ABLIM2: variants seen among roughly 807,000 people sequenced by gnomAD.
ABLIM2 encodes actin binding LIM protein family member 2.
ABLIM2 carries 53 observed loss-of-function variants against 97.7 expected under a neutral mutation model. That is an observed-to-expected ratio of 0.54 (90% CI 0.44 to 0.68). The LOEUF is 0.68. ABLIM2 is among the 30% of genes least tolerant of loss of function. ABLIM2 has a pLI of 0.00. For synonymous variants in ABLIM2, 361 were observed against 345.8 expected (o/e 1.04, Z -0.49); for missense variants, 835 against 867.2 (o/e 0.96, Z 0.47).
intron 9 of ABLIM2, 52 bp downstream of exon 9, chr4:8,045,112 C>A (rs1418672179): frequency 4.5e-6 from 7 of 1,551,558 alleles, no homozygotes; most frequent in Non-Finnish European, 5.3e-6. Flanking sequence ...ACCGGGCCCC[C>A]CTTCTCTCTC....
chr4:8,029,585 C>CAAAAAAAAA, intron 11 of ABLIM2, 71 bp downstream of exon 11: 1 of 909,834 alleles, frequency 1.1e-6, no homozygotes, highest in Non-Finnish European at 1.4e-6. Flanking sequence ...AAAAAAAAAA[C>CAAAAAAAAA]TAAAAAAAAA....
chr4:8,050,117 T>C (rs1490279851), intron 8 of ABLIM2, among the ~76,000 whole-genome samples: 1 of 152,208 alleles, frequency 6.6e-6, no homozygotes, highest in Non-Finnish European at 1.5e-5. Flanking sequence ...CAATCTTACA[T>C]GTATTCTGAT....
Position 8,069,397 on chromosome 4 carries a change from G to C in ABLIM2, c.675+8231C>G, listed in dbSNP as rs1318336698. On this transcript the variant is annotated intron_variant, in intron 6 of 20. Transcript: ENST00000447017. This position sits in a 1 kb window ranked among gnomAD's most constrained non-coding sequence, Gnocchi z 4.2. ...CACGCACTGCAGCGTGTCCAGGCTCGGAGGGTCCCACCACGAAGACAGTGA... is the reference window on the plus strand; with the variant it reads ...CACGCACTGCAGCGTGTCCAGGCTCCGAGGGTCCCACCACGAAGACAGTGA... 2.6e-5 allele frequency among the ~76,000 whole-genome samples: 4 copies of C among 152,240 alleles called. No individual in the cohort carries two copies. The highest frequency in any genetic ancestry group is 2.6e-4 in the Admixed American group (4 of 15,290).
chr4:8,097,024 A>C (rs1831989167), intron 3 of ABLIM2, 75 bp downstream of exon 3: 1 of 1,486,050 alleles, frequency 6.7e-7, no homozygotes, highest in African/African-American at 1.4e-5. Flanking sequence ...CAGGAGGAAG[A>C]AGGGAAGGGA....
In ABLIM2 at chr4:8,147,441, G is replaced by A. The variant is rs2152953977; in HGVS notation, c.10+11239C>T. Among the ~76,000 whole-genome samples, 1 of 152,286 alleles carries A rather than the reference G, an allele frequency of 6.6e-6. No individual in the cohort carries two copies. ...AAACCTGTGACATATATGGTTAAAA[G>A]GGGAGGGGTCTTTGCAGATGTGATT... On this transcript the variant is annotated intron_variant, in intron 1 of 20. Transcript: ENST00000447017. This position sits in a 1 kb window ranked among gnomAD's most constrained non-coding sequence, Gnocchi z 5.3.
At chr4:7,967,750 T>C (rs989545625) in intron 20 of ABLIM2, among the ~76,000 whole-genome samples, 3 of 152,226 alleles carry the variant, frequency 2.0e-5, no homozygotes, top group Middle Eastern at 3.4e-3. Flanking sequence ...TGGGATGCCA[T>C]AGGAGTGAGT....
At chr4:8,018,821 C>G (rs1193545347) in intron 14 of ABLIM2, among the ~76,000 whole-genome samples, 2 of 152,218 alleles carry the variant, frequency 1.3e-5, no homozygotes, top group East Asian at 3.9e-4. Context: ...CCATCATGTG[C>G]ACAGCACTTT....
intron 20 of ABLIM2, among the ~76,000 whole-genome samples, chr4:7,977,566 G>C (rs190123058): frequency 2.6e-4 from 40 of 152,230 alleles, no homozygotes; most frequent in Admixed American, 2.4e-3. Context: ...GAAGTGGGGG[G>C]ATCACCAGAG....
rs1315063846 is a variant in ABLIM2, at chr4:8,008,106, G to A, written c.1571C>T (p.Thr524Ile). The A allele has an allele frequency of 1.2e-6, 2 of 1,613,932 alleles. No homozygotes were observed. Among genetic ancestry groups the A allele is most frequent in the African/African-American group, 1.3e-5 (1 of 74,942 alleles). The change falls in exon 16 of 21, where the codon ACC (threonine) becomes ATC (isoleucine). Residue 524 changes from threonine (T) to isoleucine (I), a missense_variant. Coordinates refer to ENST00000447017, the MANE Select transcript of ABLIM2 (RefSeq NM_001130083.2). ...CATCCTTTGGAGAGGGTCTCTGTCG[G>A]TCCCGCTGCTGTGGGACAAGGACTG... ...DTQSLSHSSG[T>I]DRDPLQRMAG...
intron 1 of ABLIM2, among the ~76,000 whole-genome samples, chr4:8,133,097 C>G (rs974708946): frequency 6.6e-6 from 1 of 152,174 alleles, no homozygotes; most frequent in Non-Finnish European, 1.5e-5. Context: ...GCAATCCTCC[C>G]GAGCCTCAGC....
chr4:8,135,502 G>C (rs1218800896), intron 1 of ABLIM2, among the ~76,000 whole-genome samples: 2 of 152,170 alleles, frequency 1.3e-5, no homozygotes, highest in Non-Finnish European at 2.9e-5. Context: ...TTTCAAAAGA[G>C]ACCTCAGAGA....
intron 16 of ABLIM2, among the ~76,000 whole-genome samples, chr4:8,000,720 G>A (rs1464449328): frequency 6.6e-6 from 1 of 152,142 alleles, no homozygotes; most frequent in Non-Finnish European, 1.5e-5. Flanking sequence ...GAGGCTTTGG[G>A]AAGATGCGGC....
intron 1 of ABLIM2, among the ~76,000 whole-genome samples, chr4:8,142,407 G>A (rs1255069375): frequency 1.3e-5 from 2 of 152,198 alleles, no homozygotes; most frequent in African/African-American, 2.4e-5. Flanking sequence ...ACTGCATTAC[G>A]ATGACTCTCC....
Position 8,153,185 on chromosome 4 carries a change from G to A in ABLIM2, c.10+5495C>T, listed in dbSNP as rs114215877. Reference sequence around the variant, plus strand: ...TTCCTCTCGAGCTCAGAGGTCTCCCGTGACCCAGATGATGCTCTGGAAGCC... The same window carrying A: ...TTCCTCTCGAGCTCAGAGGTCTCCCATGACCCAGATGATGCTCTGGAAGCC... On this transcript the variant is annotated intron_variant, in intron 1 of 20. Coordinates refer to ENST00000447017, the MANE Select transcript of ABLIM2 (RefSeq NM_001130083.2). 1.9e-3 allele frequency among the ~76,000 whole-genome samples: 296 copies of A among 152,246 alleles called. 1 individual carries two copies. The highest frequency in any genetic ancestry group is 6.5e-3 in the African/African-American group (271 of 41,540).
intron 1 of ABLIM2, among the ~76,000 whole-genome samples, chr4:8,157,261 G>T (rs1234419053): frequency 6.6e-6 from 1 of 151,822 alleles, no homozygotes; most frequent in Non-Finnish European, 1.5e-5. Context: ...CCTGATGACA[G>T]GGGGGACCAC....
Position 8,005,556 on chromosome 4 carries a change from GA to G in ABLIM2, c.1618+2502del, listed in dbSNP as rs1356545083. On this transcript the variant is annotated intron_variant, in intron 16 of 20. Coordinates refer to ENST00000447017, the MANE Select transcript of ABLIM2 (RefSeq NM_001130083.2). The surrounding 1 kb of genome is among the most constrained non-coding windows in gnomAD (Gnocchi z 4.9). ...GGTGACAATCAAAAGAACCCCGAGA[GA>G]AAAAAAAGGGTGGCTCCCTCTCAAT... is the stretch of plus-strand genomic sequence containing the variant. Among the ~76,000 whole-genome samples the G allele has an allele frequency of 1.3e-5, 2 of 151,618 alleles. No homozygotes were observed. The highest frequency in any genetic ancestry group is 1.9e-4 in the East Asian group (1 of 5,166).
chr4:8,013,012 A>G (rs1017777212), intron 14 of ABLIM2, among the ~76,000 whole-genome samples: 1 of 152,188 alleles, frequency 6.6e-6, no homozygotes, highest in Non-Finnish European at 1.5e-5. Flanking sequence ...GAAAAAACTC[A>G]GACATGACCC....
Position 8,158,782 on chromosome 4 carries a change from C to CCGCCGGCTCCG in ABLIM2, c.-104_-94dup. Reference sequence around the variant, plus strand: ...CGCGCCCGCGCTATCCTCCGCCCGCCCGCCGGCTCCGCGCCCGCTCCTTGC... The same window carrying CCGCCGGCTCCG: ...CGCGCCCGCGCTATCCTCCGCCCGCCCGCCGGCTCCGCGCCGGCTCCGCGCCCGCTCCTTGC... On this transcript the variant is annotated 5_prime_UTR_variant, in exon 1 of 21. Coordinates refer to ENST00000447017, the MANE Select transcript of ABLIM2 (RefSeq NM_001130083.2). 1 of 1,148,588 alleles carries CCGCCGGCTCCG rather than the reference C, an allele frequency of 8.7e-7. No homozygotes were observed. The highest frequency in any genetic ancestry group is 1.1e-6 in the Non-Finnish European group (1 of 911,686). The allele number at this position is 1,148,588 out of a possible 1,614,324, so 71.1% of individuals were successfully genotyped here.
rs1429413940 is a variant in ABLIM2 at position 8,085,752 on chromosome 4, C to T, written c.454+2417G>A. Among the ~76,000 whole-genome samples, 1 of 152,204 alleles carries T rather than the reference C, an allele frequency of 6.6e-6. No homozygotes were observed. The highest frequency in any genetic ancestry group is 1.5e-5 in the Non-Finnish European group (1 of 68,028). Reference sequence around the variant, plus strand: ...TGGGGGGTGCACCCAGCACATTTCACAGGTGTTTAGTCTTTGTACTCATCT... The same window carrying T: ...TGGGGGGTGCACCCAGCACATTTCATAGGTGTTTAGTCTTTGTACTCATCT... On this transcript the variant is annotated intron_variant, in intron 4 of 20. Coordinates refer to ENST00000447017, the MANE Select transcript of ABLIM2 (RefSeq NM_001130083.2). The surrounding 1 kb of genome is among the most constrained non-coding windows in gnomAD (Gnocchi z 6.1).
Sources: gnomAD v4.1 joint callset for allele counts (sites outside exome capture counted in the v4.1 genomes callset) on GRCh38, gnomAD v4.1.1 for gene constraint, Gnocchi (gnomAD v3.1) non-coding constraint, MANE v1.5 for transcripts, NCBI Gene and HGNC (gene_info 2026-07-23, HGNC 2026-07-21) for gene names.